The following EXOC6B variants were observed in gnomAD, a reference collection of about 807,000 sequenced individuals.
EXOC6B encodes the protein SEC15 homolog B.
A neutral mutation model predicts 113.5 loss-of-function variants in EXOC6B; 54 were observed. The observed-to-expected ratio is 0.48, with a 90% CI of 0.38 to 0.60. The LOEUF (loss-of-function observed/expected upper bound fraction) is 0.60. Ranked by LOEUF, EXOC6B falls within the 20% of genes least tolerant of loss-of-function variation. The pLI, the probability that EXOC6B is intolerant of heterozygous loss-of-function variation, is 0.00. For missense variants in EXOC6B, 797 were observed against 977.5 expected (o/e 0.82, Z 2.46); for synonymous variants, 357 against 339.0 (o/e 1.05, Z -0.58).
At chr2:72,736,202 A>C (rs924463614) in intron 2 of EXOC6B, among the ~76,000 whole-genome samples, 19 of 150,166 alleles carry the variant, frequency 1.3e-4, no homozygotes, top group African/African-American at 4.5e-4. Flanking sequence ...TTAAAAAAAA[A>C]AAAACAAAAC....
intron 1 of EXOC6B, among the ~76,000 whole-genome samples, chr2:72,742,308 T>A (rs571278145): frequency 1.3e-5 from 2 of 152,334 alleles, no homozygotes; most frequent in South Asian, 4.1e-4. Flanking sequence ...TATATAAACA[T>A]AACTTTTATT....
intron 6 of EXOC6B, among the ~76,000 whole-genome samples, chr2:72,666,870 C>CT (rs57397006): frequency 0.017 from 2,577 of 148,508 alleles, 74 homozygotes; most frequent in African/African-American, 0.06. Context: ...AAAGATTTTT[C>CT]TTTTTTTTTC....
At chr2:72,549,686 T>G (rs953899997) in intron 8 of EXOC6B, among the ~76,000 whole-genome samples, 13 of 152,088 alleles carry the variant, frequency 8.5e-5, no homozygotes, top group African/African-American at 3.1e-4. Context: ...AAGGGAAAGC[T>G]GAGGACTAAA....
At chr2:72,185,681 G>A (rs190627212) in intron 20 of EXOC6B, among the ~76,000 whole-genome samples, 14 of 151,652 alleles carry the variant, frequency 9.2e-5, no homozygotes, top group African/African-American at 3.4e-4. Context: ...AGGCCTCAGA[G>A]AGTTATCCTT....
chr2:72,332,846 T>C (rs930978229), intron 20 of EXOC6B, among the ~76,000 whole-genome samples: 7 of 152,154 alleles, frequency 4.6e-5, no homozygotes, highest in Admixed American at 3.9e-4. Flanking sequence ...TTTAAAATGA[T>C]GCTCACTTTA....
chr2:72,397,625 A>T lies in EXOC6B; in HGVS notation c.1981-17755T>A, dbSNP rs56981409. Among the ~76,000 whole-genome samples, 703 of 104,160 alleles carry T rather than the reference A, an allele frequency of 6.7e-3. 4 individuals carry two copies. The highest frequency in any genetic ancestry group is 0.025 in the African/African-American group (320 of 12,710). 68.3% of individuals were successfully genotyped at this position (104,160 alleles called of 152,430 possible). A position where few individuals can be genotyped will look rare whatever the true frequency, so the allele number is the denominator to read the frequency against. The stretch of plus-strand genomic sequence containing the variant: ...CAGGTGAAACCTCATCTCAAAAAAA[A>T]AAAATAAAATAAAATAAAATAAAAT... On this transcript the variant is annotated intron_variant, in intron 18 of 21. Transcript: ENST00000272427.
chr2:72,659,897 G>A (rs974857546), intron 6 of EXOC6B, among the ~76,000 whole-genome samples: 1 of 152,034 alleles, frequency 6.6e-6, no homozygotes, highest in Non-Finnish European at 1.5e-5. Flanking sequence ...ATATGCCAAT[G>A]AACCTAAGGT....
chr2:72,568,915 G>C (rs1189781990), intron 7 of EXOC6B, among the ~76,000 whole-genome samples: 2 of 150,842 alleles, frequency 1.3e-5, no homozygotes, highest in Non-Finnish European at 2.9e-5. Context: ...GTTTATAACT[G>C]AGGCAAATGA....
At chr2:72,774,989 G>A (rs1683614040) in intron 1 of EXOC6B, among the ~76,000 whole-genome samples, 1 of 152,064 alleles carries the variant, frequency 6.6e-6, no homozygotes, top group Admixed American at 6.6e-5. Flanking sequence ...ATTTACTATT[G>A]AAGGTATAAC....
chr2:72,705,606 C>T (rs746335813), intron 6 of EXOC6B, among the ~76,000 whole-genome samples: 2 of 152,080 alleles, frequency 1.3e-5, no homozygotes, highest in Non-Finnish European at 2.9e-5. Context: ...TGCATACATA[C>T]ACACACACGT....
Position 72,779,521 on chromosome 2 carries a change from C to T in EXOC6B, c.114-38052G>A, listed in dbSNP as rs547654963. ...AATAAGTTTATGAATAGTTTTGCTC[C>T]GCTTTAAGTTTTTCTAACTATTGCC... On this transcript the variant is annotated intron_variant, in intron 1 of 21. Coordinates refer to ENST00000272427, the MANE Select transcript of EXOC6B (RefSeq NM_015189.3). 1.1e-4 allele frequency among the ~76,000 whole-genome samples: 16 copies of T among 152,068 alleles called. No homozygotes were observed. In the East Asian group the frequency reaches 1.4e-3, roughly 13 times the overall value.
At chr2:72,753,240 C>A (rs1206163800) in intron 1 of EXOC6B, among the ~76,000 whole-genome samples, 2 of 71,594 alleles carry the variant, frequency 2.8e-5, no homozygotes, top group East Asian at 9.1e-4. Context: ...GGGCATGTCT[C>A]TTGAATTAAA....
intron 19 of EXOC6B, among the ~76,000 whole-genome samples, chr2:72,348,663 C>T (rs932660843): frequency 6.6e-6 from 1 of 152,186 alleles, no homozygotes; most frequent in African/African-American, 2.4e-5. Context: ...CTCTCTGCCT[C>T]AGTTTCCCCA....
intron 20 of EXOC6B, chr2:72,288,959 C>T: frequency 4.3e-6 from 1 of 234,720 alleles, no homozygotes; most frequent in Non-Finnish European, 8.5e-6. Context: ...GTTATCAGCC[C>T]CAGATTTGCT....
intron 6 of EXOC6B, among the ~76,000 whole-genome samples, chr2:72,577,367 A>T (rs540108099): frequency 9.9e-5 from 15 of 151,988 alleles, no homozygotes; most frequent in Non-Finnish European, 2.2e-4. Flanking sequence ...GGGATCAAGG[A>T]CTCCGGGGCA....
intron 5 of EXOC6B, among the ~76,000 whole-genome samples, chr2:72,730,677 C>T (rs1445789499): frequency 6.6e-6 from 1 of 151,420 alleles, no homozygotes; most frequent in Non-Finnish European, 1.5e-5. Flanking sequence ...GCACCAAAAC[C>T]AGTACTATTT....
chr2:72,281,553 T>C (rs1326231074), intron 20 of EXOC6B, among the ~76,000 whole-genome samples: 2 of 152,058 alleles, frequency 1.3e-5, no homozygotes, highest in Non-Finnish European at 2.9e-5. Context: ...AGAGGATGAG[T>C]AAACTGGAAC....
At chr2:72,593,613 G>C (rs1394867001) in intron 6 of EXOC6B, among the ~76,000 whole-genome samples, 2 of 131,874 alleles carry the variant, frequency 1.5e-5, no homozygotes, top group Non-Finnish European at 3.2e-5. Flanking sequence ...AAGGAGATAA[G>C]ACAAGATGAA....
chr2:72,399,003 GAAAAAGAAAAAAAA>G (rs1487789602), intron 18 of EXOC6B, among the ~76,000 whole-genome samples: 1 of 94,490 alleles, frequency 1.1e-5, no homozygotes, highest in Non-Finnish European at 1.9e-5. Flanking sequence ...GCCAGGCAGT[GAAAAAGAAAAAAAA>G]AAAAAGAAAA....
Sources: allele counts gnomAD v4.1 joint callset (sites outside exome capture counted in the v4.1 genomes callset), GRCh38; gene constraint gnomAD v4.1.1; transcripts MANE v1.5; gene names NCBI Gene and HGNC (gene_info 2026-07-23, HGNC 2026-07-21).